The following USF3 variants were observed in gnomAD, a reference collection of about 807,000 sequenced individuals.
USF3 encodes the protein upstream transcription factor family member 3.
In USF3, 29 loss-of-function variants were observed where a neutral mutation model predicts 157.5. The observed-to-expected ratio is 0.18, with a 90% CI of 0.14 to 0.25. The LOEUF (loss-of-function observed/expected upper bound fraction) is 0.25. USF3 is among the 10% of genes least tolerant of loss of function. The probability of loss-of-function intolerance (pLI) is 1.00; values close to 1 mark genes in which losing one functional copy is unlikely to be tolerated. For missense variants in USF3, 2,381 were observed against 2,667.6 expected (o/e 0.89, Z 2.37); for synonymous variants, 893 against 941.4 (o/e 0.95, Z 0.94).
rs1354977303 is a variant in USF3 at position 113,659,541 on chromosome 3, A to G, written c.2141T>C (p.Leu714Pro). The G allele has an allele frequency of 6.2e-7, 1 of 1,614,166 alleles. No homozygotes were observed. The highest frequency in any genetic ancestry group is 1.1e-5 in the South Asian group (1 of 91,086). ...ALNTFGALAS[L>P]NQSISQMAGQ... Reference sequence around the variant, plus strand: ...AGCCATCTGTGATATGCTTTGATTGAGGCTGGCCAAAGCACCAAATGTATT... The same window carrying G: ...AGCCATCTGTGATATGCTTTGATTGGGGCTGGCCAAAGCACCAAATGTATT... Residue 714 changes from leucine to proline, a missense_variant, in exon 7 of 7, where the codon CTC becomes CCC. Coordinates refer to ENST00000316407, the MANE Select transcript of USF3 (RefSeq NM_001009899.4).
rs771227379 is a variant in USF3, at chr3:113,659,175, C to T, written c.2507G>A (p.Cys836Tyr). Residue 836 changes from cysteine (C) to tyrosine (Y), a missense_variant, in exon 7 of 7, where the codon TGT becomes TAT. Physicochemically the swap from Cys to Tyr is radical, Grantham distance 194. Transcript: ENST00000316407. ...PNTEGSAEPP[C>Y]NDGLLESFPA... ...GAAGCTTTCTAGCAGTCCATCATTACAGGGTGGCTCTGCTGAGCCTTCAGT... is the reference window on the plus strand; with the variant it reads ...GAAGCTTTCTAGCAGTCCATCATTATAGGGTGGCTCTGCTGAGCCTTCAGT... The T allele has an allele frequency of 1.9e-6, 3 of 1,614,194 alleles. No homozygotes were observed. Among genetic ancestry groups the T allele is most frequent in the Middle Eastern group, 1.6e-4 (1 of 6,062 alleles).
chr3:113,692,024 C>T (rs1187684743), intron 1 of USF3, among the ~76,000 whole-genome samples: 1 of 152,132 alleles, frequency 6.6e-6, no homozygotes, highest in African/African-American at 2.4e-5. Context: ...GAAACTGTTC[C>T]ATCTATCTCA....
rs1358912914 is a variant in USF3, at chr3:113,649,527, A to T, written c.*5417T>A. 4.6e-5 allele frequency: 13 copies of T among 285,226 alleles called. No homozygotes were observed. Among genetic ancestry groups the T allele is most frequent in the Non-Finnish European group, 8.4e-5 (13 of 155,612 alleles). 17.7% of individuals were successfully genotyped at this position (285,226 alleles called of 1,614,324 possible). On this transcript the variant is annotated 3_prime_UTR_variant, in exon 7 of 7. Coordinates refer to ENST00000316407, the MANE Select transcript of USF3 (RefSeq NM_001009899.4). ...TTTTTTTTGTTTTTTGTTTTTTTTT[A>T]CAAATCAACATCAAAGATGGCTCAG...
chr3:113,693,143 G>A (rs781279851), intron 1 of USF3, among the ~76,000 whole-genome samples: 2 of 152,138 alleles, frequency 1.3e-5, no homozygotes, highest in Non-Finnish European at 2.9e-5. Flanking sequence ...ATATAACATG[G>A]CAGTCATTTA....
At chr3:113,673,788 C>T (rs1369926515) in intron 3 of USF3, among the ~76,000 whole-genome samples, 1 of 152,228 alleles carries the variant, frequency 6.6e-6, no homozygotes, top group Non-Finnish European at 1.5e-5. Flanking sequence ...GCAGGAGACA[C>T]AAGCAACAGC....
At chr3:113,695,850 G>A (rs1707785182) in intron 1 of USF3, among the ~76,000 whole-genome samples, 1 of 152,198 alleles carries the variant, frequency 6.6e-6, no homozygotes. Flanking sequence ...GAAAGCAAAA[G>A]AACGGCTTCT....
Position 113,654,793 on chromosome 3 carries a change from G to T in USF3, c.*151C>A. On this transcript the variant is annotated 3_prime_UTR_variant, in exon 7 of 7. Transcript: ENST00000316407. ...TTCTGACAACCCAGTATCTGCATCT[G>T]ACATGGCTTCCCTACATTCAGAAGA... 1 of 789,030 alleles carries T rather than the reference G, an allele frequency of 1.3e-6. No individual in the cohort carries two copies. The highest frequency in any genetic ancestry group is 1.9e-6 in the Non-Finnish European group (1 of 530,638). The allele number at this position is 789,030 out of a possible 1,614,324, so 48.9% of individuals were successfully genotyped here.
rs1341816941 is a variant in USF3, at chr3:113,694,542, T to C, written c.-135+1828A>G. Reference sequence around the variant, plus strand: ...CTGCATCCAGATTTTGCAAAACTCCTAAATACAGGGAGATCCCAATACCTA... The same window carrying C: ...CTGCATCCAGATTTTGCAAAACTCCCAAATACAGGGAGATCCCAATACCTA... On this transcript the variant is annotated intron_variant, in intron 1 of 6. Coordinates refer to ENST00000316407, the MANE Select transcript of USF3 (RefSeq NM_001009899.4). 4.6e-5 allele frequency among the ~76,000 whole-genome samples: 7 copies of C among 152,202 alleles called. No individual in the cohort carries two copies. The East Asian group carries it at 1.3e-3, about 29-fold the overall frequency.
rs1240679584 is a variant in USF3 at position 113,650,786 on chromosome 3, A to G, written c.*4158T>C. The G allele has an allele frequency of 6.6e-6, 1 of 152,106 alleles. No individual in the cohort carries two copies. Among genetic ancestry groups the G allele is most frequent in the Non-Finnish European group, 1.5e-5 (1 of 68,016 alleles). 9.4% of individuals were successfully genotyped at this position (152,106 alleles called of 1,614,324 possible). A position where few individuals can be genotyped will look rare whatever the true frequency, so the allele number is the denominator to read the frequency against. Reference sequence around the variant, plus strand: ...TTTGTTGCAGTTCAGTATAACCCTGATATGTGACTGGAAAATGCTGCAAAA... The same window carrying G: ...TTTGTTGCAGTTCAGTATAACCCTGGTATGTGACTGGAAAATGCTGCAAAA... On this transcript the variant is annotated 3_prime_UTR_variant, in exon 7 of 7. Coordinates refer to ENST00000316407, the MANE Select transcript of USF3 (RefSeq NM_001009899.4).
rs1010776029 is a variant in USF3 at position 113,650,966 on chromosome 3, C to T, written c.*3978G>A. 6 of 151,998 alleles carry T rather than the reference C, an allele frequency of 3.9e-5. No homozygotes were observed. Among genetic ancestry groups the T allele is most frequent in the African/African-American group, 9.7e-5 (4 of 41,384 alleles). 9.4% of individuals were successfully genotyped at this position (151,998 alleles called of 1,614,324 possible). A position where few individuals can be genotyped will look rare whatever the true frequency, so the allele number is the denominator to read the frequency against. ...AAAAACAAAAATAAATTTCCTGAAC[C>T]GGTATAAAACAACATATAAGCCATC... On this transcript the variant is annotated 3_prime_UTR_variant, in exon 7 of 7. Transcript: ENST00000316407.
At chr3:113,670,681 T>C (rs535563527) in intron 4 of USF3, among the ~76,000 whole-genome samples, 25 of 152,280 alleles carry the variant, frequency 1.6e-4, no homozygotes, top group Non-Finnish European at 3.4e-4. Flanking sequence ...TATAAATAAC[T>C]ATAATAAGTA....
intron 6 of USF3, among the ~76,000 whole-genome samples, 168 bp downstream of exon 6, chr3:113,664,145 C>T (rs947973296): frequency 6.6e-6 from 1 of 152,120 alleles, no homozygotes; most frequent in African/African-American, 2.4e-5. Flanking sequence ...AAGAGTTAGA[C>T]TAAAATGAAT....
At chr3:113,668,138 C>A (rs990104017) in intron 5 of USF3, among the ~76,000 whole-genome samples, 1 of 151,990 alleles carries the variant, frequency 6.6e-6, no homozygotes, top group Admixed American at 6.6e-5. Context: ...CCTACCCTGC[C>A]CCCACGCACA....
chr3:113,660,863 T>C lies in USF3; in HGVS notation c.819A>G (p.Thr273=). The change falls in exon 7 of 7, where the codon ACA becomes ACG. Residue 273 remains threonine (T), a synonymous_variant. Transcript: ENST00000316407. ...CAGAAGAATTTTGATCATTTAGGCATGTGTGCAAAGAATGATGTTGGTGAG... is the reference window on the plus strand; with the variant it reads ...CAGAAGAATTTTGATCATTTAGGCACGTGTGCAAAGAATGATGTTGGTGAG... ...SEPHQHHSLH[T]CLNDQNSSEN... 6.2e-7 allele frequency: 1 copy of C among 1,614,164 alleles called. No homozygotes were observed. Among genetic ancestry groups the C allele is most frequent in the Non-Finnish European group, 8.5e-7 (1 of 1,179,998 alleles).
chr3:113,671,172 G>C (rs1707146270), intron 4 of USF3, among the ~76,000 whole-genome samples: 1 of 152,192 alleles, frequency 6.6e-6, no homozygotes, highest in Non-Finnish European at 1.5e-5. Context: ...AGATTTTAAT[G>C]ATAATCAAAT....
chr3:113,679,614 A>C (rs1457444292), intron 1 of USF3, among the ~76,000 whole-genome samples: 1 of 151,964 alleles, frequency 6.6e-6, no homozygotes, highest in Non-Finnish European at 1.5e-5. Flanking sequence ...GGGTTTCACC[A>C]TGTTGGCCAG....
At chr3:113,692,358 T>C (rs13080667) in intron 1 of USF3, among the ~76,000 whole-genome samples, 2,496 of 152,266 alleles carry the variant, frequency 0.016, 22 homozygotes, top group Non-Finnish European at 0.026. Flanking sequence ...GTGCTAATTA[T>C]TGAGAATACA....
At chr3:113,678,033 T>C (rs1420420696) in intron 1 of USF3, among the ~76,000 whole-genome samples, 10 of 117,984 alleles carry the variant, frequency 8.5e-5, no homozygotes, top group Non-Finnish European at 3.3e-5. Context: ...TTCCCTTCCC[T>C]TCTCCCTCCC....
At chr3:113,672,195 G>C (rs1056564364) in intron 4 of USF3, among the ~76,000 whole-genome samples, 1 of 147,844 alleles carries the variant, frequency 6.8e-6, no homozygotes, top group East Asian at 2.0e-4. Flanking sequence ...CAGCTGGAGT[G>C]CAATGGCACG....
Sources: allele counts gnomAD v4.1 joint callset (sites outside exome capture counted in the v4.1 genomes callset), GRCh38; gene constraint gnomAD v4.1.1; transcripts MANE v1.5; gene names NCBI Gene and HGNC (gene_info 2026-07-23, HGNC 2026-07-21).